Variants in CATSPERE observed in about 807,000 individuals in gnomAD.
The protein encoded by CATSPERE is cation channel sperm-associated auxiliary subunit epsilon.
In CATSPERE, 93 loss-of-function variants were observed where a neutral mutation model predicts 114.1. That is an observed-to-expected ratio of 0.81 (90% CI 0.69 to 0.97). CATSPERE has a LOEUF of 0.97. CATSPERE is among the 50% of genes least tolerant of loss of function. CATSPERE has a pLI of 0.00. For synonymous variants in CATSPERE, 341 were observed against 384.1 expected, an observed-to-expected ratio of 0.89 and a Z score of 1.31; for missense variants, 1,058 against 1,131.6, an observed-to-expected ratio of 0.93 and a Z score of 0.93.
rs775421216 is a variant in CATSPERE, at chr1:244,514,492, C to T, written c.430-4100C>T. Among the ~76,000 whole-genome samples the T allele has an allele frequency of 1.8e-4, 27 of 152,014 alleles. 1 individual carries two copies. Among genetic ancestry groups the T allele is most frequent in the Non-Finnish European group, 3.4e-4 (23 of 67,996 alleles). On this transcript the variant is annotated intron_variant, in intron 7 of 21. Transcript: ENST00000366534. ...TTGTGGTGGTAATTACGTGAATCTACGCATGTGATAAAGTTTTACAGAACT... is the reference window on the plus strand; with the variant it reads ...TTGTGGTGGTAATTACGTGAATCTATGCATGTGATAAAGTTTTACAGAACT...
intron 10 of CATSPERE, 113 bp downstream of exon 10, chr1:244,561,258 G>A: frequency 1.4e-6 from 1 of 738,798 alleles, no homozygotes; most frequent in Non-Finnish European, 2.3e-6. Context: ...GCAGCCAAAG[G>A]TGCACTTCTT....
intron 20 of CATSPERE, among the ~76,000 whole-genome samples, chr1:244,634,322 C>T (rs12117123): frequency 0.043 from 6,495 of 152,140 alleles, 163 homozygotes; most frequent in Admixed American, 0.065. Flanking sequence ...CTTTTTGAGC[C>T]GTTCTGTATC....
intron 15 of CATSPERE, 97 bp downstream of exon 15, chr1:244,591,828 T>G: frequency 1.3e-6 from 1 of 760,884 alleles, no homozygotes; most frequent in Non-Finnish European, 2.2e-6. Flanking sequence ...TTAGCATCCA[T>G]GTGTTCGGCT....
At chr1:244,620,791 T>C (rs1445395995) in intron 20 of CATSPERE, among the ~76,000 whole-genome samples, 1 of 151,282 alleles carries the variant, frequency 6.6e-6, no homozygotes, top group African/African-American at 2.4e-5. Flanking sequence ...TTAGATCCTA[T>C]TGGAGTTCTC....
At position 244,573,678 on chromosome 1, in the gene CATSPERE, G is replaced by A. The variant is rs1229633492; in HGVS notation, c.1950+906G>A. Among the ~76,000 whole-genome samples, 1 of 152,088 alleles carries A rather than the reference G, an allele frequency of 6.6e-6. No individual in the cohort carries two copies. Among genetic ancestry groups the A allele is most frequent in the East Asian group, 1.9e-4 (1 of 5,174 alleles). On this transcript the variant is annotated intron_variant, in intron 11 of 21. Coordinates refer to ENST00000366534, the MANE Select transcript of CATSPERE (RefSeq NM_001130957.2). The surrounding 1 kb of genome is among the most constrained non-coding windows in gnomAD (Gnocchi z 4.0). The stretch of plus-strand genomic sequence containing the variant: ...CTGGCTTCTTCTGTGGCAGTCTCAG[G>A]GCAGTGTTCCAAGACGGTGAGAGCA...
Position 244,504,682 on chromosome 1 carries a change from A to G in CATSPERE, c.429+5603A>G, listed in dbSNP as rs1161514133. ...TTGGGATTCATCTGAGATTTTTCTC[A>G]TAATCAGATTGGAGTTAGGTGTTTC... is the stretch of plus-strand genomic sequence containing the variant. On this transcript the variant is annotated intron_variant, in intron 7 of 21. Transcript: ENST00000366534. The surrounding 1 kb of genome is among the most constrained non-coding windows in gnomAD (Gnocchi z 4.1). Among the ~76,000 whole-genome samples, 1 of 152,214 alleles carries G rather than the reference A, an allele frequency of 6.6e-6. No homozygotes were observed. The highest frequency in any genetic ancestry group is 2.4e-5 in the African/African-American group (1 of 41,458).
chr1:244,555,167 A>G (rs1267976408), intron 9 of CATSPERE, among the ~76,000 whole-genome samples: 1 of 152,064 alleles, frequency 6.6e-6, no homozygotes, highest in African/African-American at 2.4e-5. Flanking sequence ...AGGGCAGATC[A>G]TGAGGTCAGG....
At chr1:244,528,496 T>C (rs1679028317) in intron 8 of CATSPERE, among the ~76,000 whole-genome samples, 1 of 152,132 alleles carries the variant, frequency 6.6e-6, no homozygotes, top group South Asian at 2.1e-4. Flanking sequence ...TTTTTAAATT[T>C]TTAAATTTTT....
intron 8 of CATSPERE, among the ~76,000 whole-genome samples, chr1:244,519,455 G>C (rs980540118): frequency 6.6e-6 from 1 of 152,198 alleles, no homozygotes; most frequent in South Asian, 2.1e-4. Flanking sequence ...TTGATTCCCT[G>C]TTGGGGCCAC....
intron 5 of CATSPERE, among the ~76,000 whole-genome samples, chr1:244,487,128 T>C (rs1282733519): frequency 7.0e-6 from 1 of 143,108 alleles, no homozygotes; most frequent in African/African-American, 2.6e-5. Flanking sequence ...GGTGGGTGGT[T>C]CAGCGTGTGG....
chr1:244,621,113 T>A lies in CATSPERE; in HGVS notation c.2648+3427T>A, dbSNP rs1237944433. Among the ~76,000 whole-genome samples the A allele has an allele frequency of 1.1e-3, 74 of 68,220 alleles. 2 individuals are homozygous for A. The highest frequency in any genetic ancestry group is 4.0e-3 in the African/African-American group (67 of 16,854). 44.8% of individuals were successfully genotyped at this position (68,220 alleles called of 152,430 possible). On this transcript the variant is annotated intron_variant, in intron 20 of 21. Transcript: ENST00000366534. The stretch of plus-strand genomic sequence containing the variant: ...TATATAAAATATATATAAATATATA[T>A]ATAATATATATATAAATATATATAA...
rs957630877 is a variant in CATSPERE at position 244,595,969 on chromosome 1, C to T, written c.2303+2391C>T. Among the ~76,000 whole-genome samples, 3 of 152,166 alleles carry T rather than the reference C, an allele frequency of 2.0e-5. No individual in the cohort carries two copies. In the East Asian group the frequency reaches 5.8e-4, roughly 29 times the overall value. ...AAAAAAATTTGCTTTAGCTAGTTCT[C>T]TCTGGGAGAGGGGTAGAGGATGAAT... On this transcript the variant is annotated intron_variant, in intron 17 of 21. Transcript: ENST00000366534.
chr1:244,525,880 CA>C (rs1034647901), intron 8 of CATSPERE, among the ~76,000 whole-genome samples: 5 of 150,996 alleles, frequency 3.3e-5, no homozygotes, highest in Admixed American at 6.6e-5. Flanking sequence ...GGCTTAACAA[CA>C]AAAAAAATTT....
Position 244,560,984 on chromosome 1 carries a change from A to C in CATSPERE, c.1346A>C (p.His449Pro). 3 of 1,614,076 alleles carry C rather than the reference A, an allele frequency of 1.9e-6. No individual in the cohort carries two copies. The South Asian group carries it at 3.3e-5, about 18-fold the overall frequency. Residue 449 changes from histidine to proline, a missense_variant, in exon 10 of 22, where the codon CAT becomes CCT. Physicochemically the swap from His to Pro is moderately conservative, Grantham distance 77. Coordinates refer to ENST00000366534, the MANE Select transcript of CATSPERE (RefSeq NM_001130957.2). ...CCTATTGACAGTGTTACCATGCCAC[A>C]TTTTACATTTTCAGCACTGCCAGGA... ...DAPIDSVTMP[H>P]FTFSALPGLL...
intron 9 of CATSPERE, among the ~76,000 whole-genome samples, chr1:244,555,382 CAAAA>C (rs760097677): frequency 3.5e-5 from 3 of 84,526 alleles, no homozygotes; most frequent in Non-Finnish European, 5.2e-5. Context: ...GACTCCATCC[CAAAA>C]AAAAAAAAAA....
intron 6 of CATSPERE, among the ~76,000 whole-genome samples, chr1:244,498,385 G>C (rs1465270283): frequency 3.3e-5 from 5 of 152,170 alleles, no homozygotes; most frequent in Non-Finnish European, 7.3e-5. Flanking sequence ...ATGGATTTAT[G>C]GGAATTGAGT....
intron 10 of CATSPERE, among the ~76,000 whole-genome samples, chr1:244,563,480 C>T (rs1316762563): frequency 6.6e-6 from 1 of 152,212 alleles, no homozygotes; most frequent in Non-Finnish European, 1.5e-5. Flanking sequence ...GACGGTATGT[C>T]ATTGTGGTTT....
chr1:244,590,704 C>A (rs553013365), intron 14 of CATSPERE, among the ~76,000 whole-genome samples: 2 of 152,184 alleles, frequency 1.3e-5, no homozygotes, highest in Non-Finnish European at 2.9e-5. Flanking sequence ...CAACATATGA[C>A]CTTTTGTGTC....
intron 10 of CATSPERE, among the ~76,000 whole-genome samples, chr1:244,563,262 T>C (rs1271696306): frequency 6.6e-6 from 1 of 152,256 alleles, no homozygotes; most frequent in Non-Finnish European, 1.5e-5. Flanking sequence ...TAATTTATAA[T>C]ACTTTGGGTA....
Sources: allele counts gnomAD v4.1 joint callset (sites outside exome capture counted in the v4.1 genomes callset), GRCh38; gene constraint gnomAD v4.1.1; non-coding constraint Gnocchi (gnomAD v3.1); transcripts MANE v1.5; gene names NCBI Gene and HGNC (gene_info 2026-07-23, HGNC 2026-07-21).